Variants in DYNC1H1 observed in about 807,000 individuals in gnomAD.
The protein encoded by DYNC1H1 is dynein cytoplasmic 1 heavy chain 1.
Under a neutral mutation model 527.1 loss-of-function variants are expected in DYNC1H1, and 51 were observed. The observed-to-expected ratio is 0.10, with a 90% confidence interval of 0.08 to 0.12. The LOEUF is 0.12. Ranked by LOEUF, DYNC1H1 falls within the 10% of genes least tolerant of loss-of-function variation. The probability of loss-of-function intolerance (pLI) is 1.00; values close to 1 mark genes in which losing one functional copy is unlikely to be tolerated. For synonymous variants in DYNC1H1, 2,189 were observed against 2,278.8 expected (o/e 0.96, Z 1.12); for missense variants, 2,771 against 5,971.8 (o/e 0.46, Z 17.66).
At chr14:101,968,640 G>T (rs537740320) in intron 1 of DYNC1H1, among the ~76,000 whole-genome samples, 7 of 152,024 alleles carry the variant, frequency 4.6e-5, no homozygotes, top group African/African-American at 1.4e-4. Context: ...TCTGCTCACC[G>T]CATCCTCAAC....
Position 102,048,497 on chromosome 14 carries a change from C to A in DYNC1H1, c.13219-19C>A. 6.2e-7 allele frequency: 1 copy of A among 1,614,088 alleles called. No individual in the cohort carries two copies. Among genetic ancestry groups the A allele is most frequent in the Non-Finnish European group, 8.5e-7 (1 of 1,180,002 alleles). On this transcript the variant is annotated intron_variant, in intron 73 of 77. Coordinates refer to ENST00000360184, the MANE Select transcript of DYNC1H1 (RefSeq NM_001376.5). ...AGGACCTCTTCCTAACTTCTCTTCACCCTTTTGAACGATTTTAGGATCCTT... is the reference window on the plus strand; with the variant it reads ...AGGACCTCTTCCTAACTTCTCTTCAACCTTTTGAACGATTTTAGGATCCTT...
chr14:102,048,083 G>A, intron 73 of DYNC1H1, 55 bp downstream of exon 73: 1 of 1,559,316 alleles, frequency 6.4e-7, no homozygotes, highest in South Asian at 1.2e-5. Flanking sequence ...TGCTGGGTAT[G>A]GTCATGGACC....
At chr14:102,003,056 T>G in intron 23 of DYNC1H1, 91 bp downstream of exon 23, 3 of 1,552,546 alleles carry the variant, frequency 1.9e-6, no homozygotes, top group Non-Finnish European at 2.6e-6. Context: ...GGGCCTGTGT[T>G]TGTTAGTTTT....
Position 102,012,411 on chromosome 14 carries a change from C to T in DYNC1H1, c.6955C>T (p.Leu2319=). Residue 2319 remains leucine (L), a synonymous_variant, in exon 34 of 78, where the codon CTG becomes TTG. Coordinates refer to ENST00000360184, the MANE Select transcript of DYNC1H1 (RefSeq NM_001376.5). The surrounding 1 kb of genome is among the most constrained non-coding windows in gnomAD (Gnocchi z 4.9). ...PEWVENLNSV[L]DDNKLLTLPN... is the part of the protein sequence containing the mutation. Reference sequence around the variant, plus strand: ...GTGGGTTGAGAACTTGAACTCAGTGCTGGATGACAATAAGCTCCTAACTTT... The same window carrying T: ...GTGGGTTGAGAACTTGAACTCAGTGTTGGATGACAATAAGCTCCTAACTTT... 6.2e-7 allele frequency: 1 copy of T among 1,614,190 alleles called. No homozygotes were observed. The highest frequency in any genetic ancestry group is 8.5e-7 in the Non-Finnish European group (1 of 1,180,032).
intron 28 of DYNC1H1, among the ~76,000 whole-genome samples, chr14:102,007,424 T>C (rs572360201): frequency 6.6e-6 from 1 of 152,348 alleles, no homozygotes; most frequent in Admixed American, 6.5e-5. Flanking sequence ...GAGGTTTATC[T>C]TTAATCAACA....
At chr14:101,994,050 A>C in intron 11 of DYNC1H1, 134 bp from the exon 12 acceptor site, 1 of 1,239,980 alleles carries the variant, frequency 8.1e-7, no homozygotes, top group Non-Finnish European at 1.2e-6. Context: ...GGCCAGGGTA[A>C]GTGGATGTTA....
At chr14:102,046,491 AGGCGAGCTG>A in intron 72 of DYNC1H1, among the ~76,000 whole-genome samples, 1 of 134,642 alleles carries the variant, frequency 7.4e-6, no homozygotes, top group Non-Finnish European at 1.7e-5. Context: ...AGGGAAAGCC[AGGCGAGCTG>A]GGCGGGTCTG....
At chr14:102,000,908 A>G in intron 18 of DYNC1H1, 46 bp from the exon 19 acceptor site, 1 of 1,540,956 alleles carries the variant, frequency 6.5e-7, no homozygotes, top group South Asian at 1.1e-5. Context: ...TCACCATTTA[A>G]AGAAATGTTG....
In DYNC1H1 at chr14:102,012,185, G is replaced by T. The variant is rs558520935; in HGVS notation, c.6857+72G>T. On this transcript the variant is annotated intron_variant, in intron 33 of 77. Coordinates refer to ENST00000360184, the MANE Select transcript of DYNC1H1 (RefSeq NM_001376.5). This position sits in a 1 kb window ranked among gnomAD's most constrained non-coding sequence, Gnocchi z 4.9. ...TAAGTACTTTGCTCTCACAAGAGCA[G>T]AGTATACGTTATTTTTCAACCAAAG... The T allele has an allele frequency of 2.7e-5, 43 of 1,604,378 alleles. No homozygotes were observed. The highest frequency in any genetic ancestry group is 3.5e-5 in the Non-Finnish European group (41 of 1,171,362).
intron 15 of DYNC1H1, 58 bp from the exon 16 acceptor site, chr14:101,996,977 A>G (rs553394751): frequency 7.0e-6 from 11 of 1,566,178 alleles, no homozygotes; most frequent in Non-Finnish European, 8.7e-6. Context: ...GGCTCTAATT[A>G]ATAATTTCTA....
At chr14:101,999,695 C>T (rs1283447422) in intron 16 of DYNC1H1, among the ~76,000 whole-genome samples, 1 of 152,104 alleles carries the variant, frequency 6.6e-6, no homozygotes, top group Non-Finnish European at 1.5e-5. Context: ...CACTTGAGGC[C>T]GAGTCTGTGC....
At position 102,012,323 on chromosome 14, in the gene DYNC1H1, C is replaced by T. The variant is rs749577064; in HGVS notation, c.6867C>T (p.Asp2289=). ...AATCCTTCCCAACCAGGATCATCGACAGCGTGAGAGGCGAGCTGCAGAAGC... is the reference window on the plus strand; with the variant it reads ...AATCCTTCCCAACCAGGATCATCGATAGCGTGAGAGGCGAGCTGCAGAAGC... ...LFTHVLRKII[D]SVRGELQKRQ... The change falls in exon 34 of 78, where the codon GAC becomes GAT. Residue 2289 remains aspartate, a synonymous_variant. Coordinates refer to ENST00000360184, the MANE Select transcript of DYNC1H1 (RefSeq NM_001376.5). This position sits in a 1 kb window ranked among gnomAD's most constrained non-coding sequence, Gnocchi z 4.9. The T allele has an allele frequency of 2.5e-6, 4 of 1,614,106 alleles. No individual in the cohort carries two copies. Among genetic ancestry groups the T allele is most frequent in the Non-Finnish European group, 3.4e-6 (4 of 1,180,050 alleles).
rs2048039522 is a variant in DYNC1H1, at chr14:101,994,819, G to T, written c.3303G>T (p.Glu1101Asp). The change falls in exon 13 of 78, where the codon GAG becomes GAT. Residue 1101 changes from glutamate (E) to aspartate (D), a missense_variant. This residue lies in a region of DYNC1H1 where 179 missense variants were observed against 349.4 expected (regional missense o/e 0.51). Transcript: ENST00000360184. ...GTFDNAETKKEFGPVVIDYGK... is the reference protein window; with the variant it reads ...GTFDNAETKKDFGPVVIDYGK... Reference sequence around the variant, plus strand: ...TTGACAATGCAGAAACCAAGAAAGAGTTTGGACCAGTAGTTATAGATTATG... The same window carrying T: ...TTGACAATGCAGAAACCAAGAAAGATTTTGGACCAGTAGTTATAGATTATG... 6.2e-7 allele frequency: 1 copy of T among 1,614,108 alleles called. No individual in the cohort carries two copies. The highest frequency in any genetic ancestry group is 8.5e-7 in the Non-Finnish European group (1 of 1,180,054).
rs1223938949 is a variant in DYNC1H1 at position 102,041,011 on chromosome 14, A to G, written c.11941+338A>G. On this transcript the variant is annotated intron_variant, in intron 64 of 77. Transcript: ENST00000360184. The surrounding 1 kb of genome is among the most constrained non-coding windows in gnomAD (Gnocchi z 4.5). ...AGTATTTCAATGTTAAAACTTTTTA[A>G]GGAAACCACTTAGGGAGATCGCTTC... 7.3e-6 allele frequency: 3 copies of G among 411,512 alleles called. No individual in the cohort carries two copies. The highest frequency in any genetic ancestry group is 1.4e-5 in the Non-Finnish European group (3 of 218,602). 25.5% of individuals were successfully genotyped at this position (411,512 alleles called of 1,614,324 possible).
intron 2 of DYNC1H1, among the ~76,000 whole-genome samples, chr14:101,977,610 A>C (rs911917490): frequency 3.9e-5 from 6 of 152,146 alleles, no homozygotes; most frequent in Non-Finnish European, 7.4e-5. Context: ...CCCTTATACT[A>C]ATTTTCCCCT....
chr14:102,033,295 A>G lies in DYNC1H1; in HGVS notation c.10224A>G (p.Arg3408=), dbSNP rs2048531474. The change falls in exon 54 of 78, where the codon AGA becomes AGG. Residue 3408 remains arginine (R), a synonymous_variant. Coordinates refer to ENST00000360184, the MANE Select transcript of DYNC1H1 (RefSeq NM_001376.5). The surrounding 1 kb of genome is among the most constrained non-coding windows in gnomAD (Gnocchi z 5.6). ...AQLNYADMLK[R]VEPLRNELQK... The stretch of plus-strand genomic sequence containing the variant: ...TTAACTATGCAGACATGTTAAAGAG[A>G]GTGGAGCCCCTACGCAATGAGCTGC... The G allele has an allele frequency of 1.2e-6, 2 of 1,614,152 alleles. No homozygotes were observed. The highest frequency in any genetic ancestry group is 1.7e-5 in the Admixed American group (1 of 60,008).
In DYNC1H1 at chr14:102,002,235, C is replaced by G. The variant is rs888805846; in HGVS notation, c.4543-302C>G. 3.3e-5 allele frequency among the ~76,000 whole-genome samples: 5 copies of G among 152,048 alleles called. No homozygotes were observed. The highest frequency in any genetic ancestry group is 1.2e-4 in the African/African-American group (5 of 41,400). The stretch of plus-strand genomic sequence containing the variant: ...AAGTGATTCTCCCGCCTCAGCCTCC[C>G]AAGTAGCTGGGATTACAGCTACCTG... On this transcript the variant is annotated intron_variant, in intron 21 of 77. Transcript: ENST00000360184. The surrounding 1 kb of genome is among the most constrained non-coding windows in gnomAD (Gnocchi z 4.4).
chr14:101,989,690 GTT>G (rs1200996268), intron 10 of DYNC1H1, among the ~76,000 whole-genome samples: 3 of 151,980 alleles, frequency 2.0e-5, no homozygotes, highest in African/African-American at 7.3e-5. Context: ...CTTGAAAAAT[GTT>G]TTCACTGTTG....
chr14:102,040,894 G>T, intron 64 of DYNC1H1: 1 of 599,818 alleles, frequency 1.7e-6, no homozygotes, highest in Middle Eastern at 4.5e-4. Flanking sequence ...GGGAGGTCGA[G>T]GTTGTGTGAG....
Sources: allele counts gnomAD v4.1 joint callset (sites outside exome capture counted in the v4.1 genomes callset), GRCh38; gene constraint gnomAD v4.1.1; regional missense constraint gnomAD v4.1.1; non-coding constraint Gnocchi (gnomAD v3.1); transcripts MANE v1.5; gene names NCBI Gene and HGNC (gene_info 2026-07-23, HGNC 2026-07-21).